ANKS1A: variants seen among roughly 807,000 people sequenced by gnomAD.
The protein encoded by ANKS1A is ankyrin repeat and SAM domain-containing protein 1A.
A neutral mutation model predicts 120.3 loss-of-function variants in ANKS1A; 55 were observed. That is an observed-to-expected ratio of 0.46 (90% CI 0.37 to 0.57). The LOEUF (loss-of-function observed/expected upper bound fraction) is 0.57, where lower values mean the gene tolerates loss of function less well. ANKS1A is among the 20% of genes least tolerant of loss of function. ANKS1A has a pLI of 0.00. For synonymous variants in ANKS1A, 590 were observed against 604.7 expected, an observed-to-expected ratio of 0.98 and a Z score of 0.36; for missense variants, 1,123 against 1,480.3, an observed-to-expected ratio of 0.76 and a Z score of 3.96.
chr6:35,063,653 C>T (rs1776626326), intron 13 of ANKS1A, among the ~76,000 whole-genome samples: 1 of 152,210 alleles, frequency 6.6e-6, no homozygotes, highest in South Asian at 2.1e-4. Context: ...GTGGCTATCT[C>T]AGGAGGACTC....
At chr6:35,059,964 G>A (rs1412815586) in intron 12 of ANKS1A, among the ~76,000 whole-genome samples, 183 bp from the exon 13 acceptor site, 1 of 152,146 alleles carries the variant, frequency 6.6e-6, no homozygotes, top group Non-Finnish European at 1.5e-5. Context: ...AGGTGGTCCT[G>A]TCCTTGGCTG....
chr6:35,030,295 C>T (rs1361590332), intron 11 of ANKS1A, among the ~76,000 whole-genome samples: 2 of 152,186 alleles, frequency 1.3e-5, no homozygotes, highest in Non-Finnish European at 2.9e-5. Flanking sequence ...AAAGGAGTCT[C>T]CTGGGAGAAG....
chr6:35,042,757 G>A (rs950606971), intron 11 of ANKS1A, among the ~76,000 whole-genome samples: 6 of 152,194 alleles, frequency 3.9e-5, no homozygotes, highest in Non-Finnish European at 7.4e-5. Flanking sequence ...TCCCCACACC[G>A]TCCTGCGAAG....
intron 3 of ANKS1A, among the ~76,000 whole-genome samples, chr6:34,973,872 TTCCCC>T (rs1771317979): frequency 4.5e-5 from 2 of 44,758 alleles, no homozygotes; most frequent in African/African-American, 1.1e-4. Flanking sequence ...TCCCCTTCCC[TTCCCC>T]TTCCCCTTCA....
At chr6:35,012,611 G>C (rs557703891) in intron 10 of ANKS1A, among the ~76,000 whole-genome samples, 116 of 152,370 alleles carry the variant, frequency 7.6e-4, no homozygotes, top group Non-Finnish European at 1.3e-3. Flanking sequence ...TAAGTGGGCA[G>C]AGGTGAATGA....
chr6:35,004,761 T>A lies in ANKS1A; in HGVS notation c.1423+10339T>A, dbSNP rs1476805834. 2.0e-5 allele frequency among the ~76,000 whole-genome samples: 3 copies of A among 152,192 alleles called. No homozygotes were observed. The East Asian group carries it at 5.8e-4, about 29-fold the overall frequency. On this transcript the variant is annotated intron_variant, in intron 10 of 23. Transcript: ENST00000360359. ...AGACCCCATCTCTGCAAAAAAAAAT[T>A]TTTTTTAAGTAACTGCCTTTTAATA...
intron 11 of ANKS1A, among the ~76,000 whole-genome samples, chr6:35,033,523 G>C (rs1458182542): frequency 1.3e-5 from 2 of 152,138 alleles, no homozygotes; most frequent in African/African-American, 4.8e-5. Flanking sequence ...CTCTCCTGTT[G>C]GGGTATTAAC....
At chr6:34,900,578 A>C (rs561785746) in intron 1 of ANKS1A, among the ~76,000 whole-genome samples, 1 of 152,192 alleles carries the variant, frequency 6.6e-6, no homozygotes, top group South Asian at 2.1e-4. Flanking sequence ...AGCATGAGCC[A>C]CCACACCTGG....
intron 1 of ANKS1A, among the ~76,000 whole-genome samples, chr6:34,916,319 G>A (rs544989003): frequency 2.0e-5 from 3 of 152,226 alleles, no homozygotes; most frequent in South Asian, 4.2e-4. Context: ...TTGTTAACAC[G>A]CTGAGGAAAG....
intron 10 of ANKS1A, among the ~76,000 whole-genome samples, chr6:35,011,926 T>C (rs1422639809): frequency 6.6e-6 from 1 of 152,174 alleles, no homozygotes; most frequent in African/African-American, 2.4e-5. Flanking sequence ...ATCTTCAGGG[T>C]AGGGGCTATT....
intron 13 of ANKS1A, among the ~76,000 whole-genome samples, chr6:35,067,886 ATTT>A (rs750257307): frequency 0.2 from 21,195 of 106,136 alleles, 1,171 homozygotes; most frequent in East Asian, 0.48. Context: ...TTCATTTTCA[ATTT>A]TTTTTTTTTT....
At chr6:35,051,799 A>T (rs1396006292) in intron 11 of ANKS1A, among the ~76,000 whole-genome samples, 2 of 152,230 alleles carry the variant, frequency 1.3e-5, no homozygotes, top group Non-Finnish European at 2.9e-5. Flanking sequence ...ATGTGAATGT[A>T]TCAAAAAATA....
At chr6:34,985,827 C>T (rs928762448) in intron 8 of ANKS1A, among the ~76,000 whole-genome samples, 3 of 152,154 alleles carry the variant, frequency 2.0e-5, no homozygotes, top group African/African-American at 7.2e-5. Flanking sequence ...TATAATGCCT[C>T]CAGCCATTGA....
In ANKS1A at chr6:35,085,217, C is replaced by T. The variant is rs1777900952; in HGVS notation, c.3133-549C>T. Among the ~76,000 whole-genome samples, 1 of 152,162 alleles carries T rather than the reference C, an allele frequency of 6.6e-6. No homozygotes were observed. The highest frequency in any genetic ancestry group is 1.5e-5 in the Non-Finnish European group (1 of 68,018). On this transcript the variant is annotated intron_variant, in intron 21 of 23. Coordinates refer to ENST00000360359, the MANE Select transcript of ANKS1A (RefSeq NM_015245.3). This position sits in a 1 kb window ranked among gnomAD's most constrained non-coding sequence, Gnocchi z 4.7. The stretch of plus-strand genomic sequence containing the variant: ...ATATAATGTGGCCCACCTCAGGGGC[C>T]ACTGTGAGATGGATGAGGTGGTCCA...
chr6:34,900,967 A>G (rs1409008923), intron 1 of ANKS1A, among the ~76,000 whole-genome samples: 3 of 152,206 alleles, frequency 2.0e-5, no homozygotes, highest in Admixed American at 6.5e-5. Flanking sequence ...TAGCTCCCAC[A>G]TTGCTTTTTC....
At chr6:35,074,590 C>T (rs1288701778) in intron 13 of ANKS1A, among the ~76,000 whole-genome samples, 15 of 152,138 alleles carry the variant, frequency 9.9e-5, no homozygotes, top group Non-Finnish European at 2.1e-4. Context: ...TCTGGGAAGG[C>T]GGCTGCCTCT....
intron 10 of ANKS1A, among the ~76,000 whole-genome samples, chr6:34,995,592 C>T (rs952044349): frequency 7.9e-5 from 12 of 152,182 alleles, no homozygotes; most frequent in Admixed American, 3.3e-4. Flanking sequence ...TTATTTCTCA[C>T]AACCACTGCT....
intron 10 of ANKS1A, among the ~76,000 whole-genome samples, chr6:34,998,115 A>G (rs966392393): frequency 6.6e-6 from 1 of 152,204 alleles, no homozygotes; most frequent in Non-Finnish European, 1.5e-5. Context: ...AGCCTTGCCT[A>G]TCCTGGCAGC....
rs1777851976 is a variant in ANKS1A at position 35,084,348 on chromosome 6, C to T, written c.3132+90C>T. ...TTGCAGGGCACAGATGCGGCGCTGT[C>T]CTGGCCCCTGGCCAGTGCCTGGCAA... On this transcript the variant is annotated intron_variant, in intron 21 of 23. Transcript: ENST00000360359. This position sits in a 1 kb window ranked among gnomAD's most constrained non-coding sequence, Gnocchi z 4.8. The T allele has an allele frequency of 4.7e-6, 7 of 1,501,748 alleles. No individual in the cohort carries two copies. Among genetic ancestry groups the T allele is most frequent in the Non-Finnish European group, 6.2e-6 (7 of 1,125,072 alleles). The allele number at this position is 1,501,748 out of a possible 1,614,324, so 93.0% of individuals were successfully genotyped here.
Sources: allele counts gnomAD v4.1 joint callset (sites outside exome capture counted in the v4.1 genomes callset), GRCh38; gene constraint gnomAD v4.1.1; non-coding constraint Gnocchi (gnomAD v3.1); transcripts MANE v1.5; gene names NCBI Gene and HGNC (gene_info 2026-07-23, HGNC 2026-07-21).